CPEB1: variants seen among roughly 807,000 people sequenced by gnomAD.
CPEB1 encodes cytoplasmic polyadenylation element binding protein 1.
In CPEB1, 7 loss-of-function variants were observed where a neutral mutation model predicts 65.8. The ratio of observed to expected loss-of-function variants is 0.11; its 90% CI spans 0.06 to 0.20. CPEB1 has a LOEUF of 0.20. Ranked by LOEUF, CPEB1 falls within the 10% of genes least tolerant of loss-of-function variation. The pLI is 1.00. For synonymous variants in CPEB1, 262 were observed against 260.0 expected (o/e 1.01, Z -0.08); for missense variants, 551 against 712.2 (o/e 0.77, Z 2.58).
At chr15:82,643,920 A>G (rs1172356703) in intron 1 of CPEB1, among the ~76,000 whole-genome samples, 1 of 152,228 alleles carries the variant, frequency 6.6e-6, no homozygotes. Context: ...AGTAAGCTCC[A>G]TGTTACTTTT....
At chr15:82,610,778 T>A (rs1393379052) in intron 3 of CPEB1, among the ~76,000 whole-genome samples, 1 of 151,212 alleles carries the variant, frequency 6.6e-6, no homozygotes. Flanking sequence ...ACCAACATCA[T>A]GAAATCCCAT....
chr15:82,584,816 G>GA (rs562780334), intron 3 of CPEB1, among the ~76,000 whole-genome samples: 105 of 123,328 alleles, frequency 8.5e-4, no homozygotes, highest in African/African-American at 1.2e-3. Flanking sequence ...ATACACGTTT[G>GA]AAAAAAAAAA....
chr15:82,548,238 G>A (rs959374659), intron 10 of CPEB1, among the ~76,000 whole-genome samples: 2 of 152,010 alleles, frequency 1.3e-5, no homozygotes, highest in Non-Finnish European at 2.9e-5. Flanking sequence ...AGGAGGCTGA[G>A]GCAGGAGAAT....
chr15:82,576,669 TAA>T (rs2040683407), intron 3 of CPEB1, among the ~76,000 whole-genome samples: 1 of 152,158 alleles, frequency 6.6e-6, no homozygotes, highest in Non-Finnish European at 1.5e-5. Flanking sequence ...GAGAAAAAAA[TAA>T]AGTCAGACTT....
intron 3 of CPEB1, among the ~76,000 whole-genome samples, chr15:82,592,032 T>C (rs867007423): frequency 2.6e-5 from 4 of 151,568 alleles, no homozygotes; most frequent in Middle Eastern, 6.8e-3. Flanking sequence ...TTTGTAGAGA[T>C]AGGGTTTTGC....
chr15:82,619,361 C>T (rs1452601322), intron 3 of CPEB1, among the ~76,000 whole-genome samples: 1 of 152,142 alleles, frequency 6.6e-6, no homozygotes, highest in Non-Finnish European at 1.5e-5. Flanking sequence ...CATATACTAC[C>T]TTCATGACCT....
intron 3 of CPEB1, among the ~76,000 whole-genome samples, chr15:82,597,996 A>G (rs574156909): frequency 6.6e-6 from 1 of 152,342 alleles, no homozygotes; most frequent in Non-Finnish European, 1.5e-5. Context: ...GTAGAAGCAG[A>G]CAGGCTGGTT....
At chr15:82,560,465 T>C (rs138664184) in intron 4 of CPEB1, among the ~76,000 whole-genome samples, 168 of 150,534 alleles carry the variant, frequency 1.1e-3, no homozygotes, top group Middle Eastern at 6.9e-3. Flanking sequence ...AGTGGCTCAC[T>C]TCAACCTCAA....
intron 3 of CPEB1, among the ~76,000 whole-genome samples, chr15:82,590,977 A>AT (rs1395149298): frequency 2.0e-5 from 3 of 152,198 alleles, no homozygotes; most frequent in African/African-American, 7.2e-5. Flanking sequence ...CAATGAACAT[A>AT]TGTGTGCATG....
chr15:82,571,778 T>C, intron 3 of CPEB1: 1 of 1,285,184 alleles, frequency 7.8e-7, no homozygotes, highest in South Asian at 2.4e-5. Flanking sequence ...GGCCAGCATG[T>C]GATCAGGCTG....
chr15:82,575,189 T>C (rs2040517902), intron 3 of CPEB1, among the ~76,000 whole-genome samples: 1 of 152,216 alleles, frequency 6.6e-6, no homozygotes, highest in Admixed American at 6.5e-5. Context: ...TCTGCACATC[T>C]GTGTAATCCC....
chr15:82,638,534 T>G (rs2046848094), intron 1 of CPEB1: 1 of 152,176 alleles, frequency 6.6e-6, no homozygotes, highest in Non-Finnish European at 1.5e-5. Flanking sequence ...ACAAATAAAG[T>G]GAGCTATTTC....
At chr15:82,554,081 C>A in intron 6 of CPEB1, 90 bp from the exon 7 acceptor site, 1 of 712,402 alleles carries the variant, frequency 1.4e-6, no homozygotes, top group Admixed American at 2.9e-5. Flanking sequence ...CAGTAAGAAC[C>A]TGACTGGCCA....
At chr15:82,562,019 A>T (rs531568338) in intron 4 of CPEB1, among the ~76,000 whole-genome samples, 1 of 152,286 alleles carries the variant, frequency 6.6e-6, no homozygotes, top group South Asian at 2.1e-4. Context: ...TCTTCACCAA[A>T]TCCTAAGAAG....
intron 3 of CPEB1, among the ~76,000 whole-genome samples, chr15:82,576,060 C>T (rs780299179): frequency 6.6e-6 from 1 of 152,076 alleles, no homozygotes; most frequent in Non-Finnish European, 1.5e-5. Flanking sequence ...TCATAATCAC[C>T]CAAACGTGGA....
chr15:82,593,516 A>ACTGAAGCAGT (rs750876324), intron 3 of CPEB1, among the ~76,000 whole-genome samples: 4 of 152,154 alleles, frequency 2.6e-5, no homozygotes, highest in Non-Finnish European at 5.9e-5. Flanking sequence ...TACTTCCTCC[A>ACTGAAGCAGT]CTGAAGCAGT....
intron 3 of CPEB1, among the ~76,000 whole-genome samples, chr15:82,606,381 A>T (rs1475221545): frequency 5.3e-5 from 8 of 150,876 alleles, no homozygotes; most frequent in Non-Finnish European, 1.2e-4. Flanking sequence ...CTGAGGGAGA[A>T]CTGCTTGAAC....
At chr15:82,546,346 T>C (rs2035209512) in intron 12 of CPEB1, 95 bp downstream of exon 12, 3 of 951,640 alleles carry the variant, frequency 3.2e-6, no homozygotes, top group Non-Finnish European at 5.0e-6. Flanking sequence ...CCGCCCACCT[T>C]GGCATCCCAA....
At chr15:82,560,040 C>T (rs531490409) in intron 4 of CPEB1, among the ~76,000 whole-genome samples, 30 of 152,224 alleles carry the variant, frequency 2.0e-4, no homozygotes, top group African/African-American at 4.3e-4. Context: ...GCCGAGATTG[C>T]GCCACTACAC....
Sources: gnomAD v4.1 joint callset for allele counts (sites outside exome capture counted in the v4.1 genomes callset) on GRCh38, gnomAD v4.1.1 for gene constraint, MANE v1.5 for transcripts, NCBI Gene and HGNC (gene_info 2026-07-23, HGNC 2026-07-21) for gene names.